GPRIN3: variants seen among roughly 807,000 people sequenced by gnomAD.
GPRIN3 encodes the protein GPRIN family member 3.
A neutral mutation model predicts 13.7 loss-of-function variants in GPRIN3; 12 were observed. The observed-to-expected ratio is 0.87, with a 90% CI of 0.56 to 1.42. The LOEUF (loss-of-function observed/expected upper bound fraction) is 1.42. Among genes scored for constraint, GPRIN3 ranks in the 40% most tolerant of loss-of-function variants. GPRIN3 has a pLI of 0.00. For synonymous variants in GPRIN3, 377 were observed against 372.7 expected, an observed-to-expected ratio of 1.01 and a Z score of -0.13; for missense variants, 1,009 against 958.7, an observed-to-expected ratio of 1.05 and a Z score of -0.69.
chr4:89,297,030 G>C (rs1006599501), intron 1 of GPRIN3, among the ~76,000 whole-genome samples: 3 of 152,200 alleles, frequency 2.0e-5, no homozygotes, highest in Admixed American at 6.5e-5. Flanking sequence ...CTGCAGTGTA[G>C]CATAGTGGTG....
intron 1 of GPRIN3, among the ~76,000 whole-genome samples, chr4:89,251,550 T>C (rs1484890335): frequency 6.6e-6 from 1 of 152,196 alleles, no homozygotes; most frequent in Admixed American, 6.5e-5. Context: ...CTGGTCTTTA[T>C]AAATAGGCAG....
intron 1 of GPRIN3, among the ~76,000 whole-genome samples, chr4:89,307,342 T>TA (rs1161912792): frequency 1.3e-5 from 2 of 151,910 alleles, no homozygotes; most frequent in Non-Finnish European, 2.9e-5. Flanking sequence ...CGATTGATTA[T>TA]AAATTTCCCT....
rs896596018 is a variant in GPRIN3 at position 89,246,664 on chromosome 4, T to G, written c.*1116A>C. On this transcript the variant is annotated 3_prime_UTR_variant, in exon 2 of 2. Transcript: ENST00000609438. The stretch of plus-strand genomic sequence containing the variant: ...TAAGCAATTAGATGATAGTAGTCTA[T>G]GTACAAAAATTGTAAGGAAGCTCAC... 1.3e-5 allele frequency: 2 copies of G among 152,250 alleles called. No individual in the cohort carries two copies. Among genetic ancestry groups the G allele is most frequent in the African/African-American group, 4.8e-5 (2 of 41,464 alleles). The allele number at this position is 152,250 out of a possible 1,614,324, so 9.4% of individuals were successfully genotyped here. A position where few individuals can be genotyped will look rare whatever the true frequency, so the allele number is the denominator to read the frequency against.
rs759467599 is a variant in GPRIN3 at position 89,249,963 on chromosome 4, C to A, written c.148G>T (p.Ala50Ser). 3.1e-6 allele frequency: 5 copies of A among 1,614,104 alleles called. No homozygotes were observed. Among genetic ancestry groups the A allele is most frequent in the African/African-American group, 1.3e-5 (1 of 74,948 alleles). The change falls in exon 2 of 2, where the codon GCC (alanine) becomes TCC (serine). Residue 50 changes from alanine to serine, a missense_variant. Coordinates refer to ENST00000609438, the MANE Select transcript of GPRIN3 (RefSeq NM_198281.3). The part of the protein sequence containing the change: ...LCKNANGFSG[A>S]PAEPDLSPRA... The stretch of plus-strand genomic sequence containing the variant: ...GGGCTGAGGTCTGGTTCTGCAGGGG[C>A]ACCTGAAAAGCCATTGGCATTCTTA...
chr4:89,294,577 G>A (rs1234671807), intron 1 of GPRIN3, among the ~76,000 whole-genome samples: 1 of 152,050 alleles, frequency 6.6e-6, no homozygotes, highest in Non-Finnish European at 1.5e-5. Flanking sequence ...TCCCATACTG[G>A]CACACAGATA....
Position 89,247,615 on chromosome 4 carries a change from T to C in GPRIN3, c.*165A>G, listed in dbSNP as rs1385136185. On this transcript the variant is annotated 3_prime_UTR_variant, in exon 2 of 2. Coordinates refer to ENST00000609438, the MANE Select transcript of GPRIN3 (RefSeq NM_198281.3). ...CAAATTGAAATGACATTTTTGTTTATAGAGCTCCAGGTCAAAGGATCTAAC... is the reference window on the plus strand; with the variant it reads ...CAAATTGAAATGACATTTTTGTTTACAGAGCTCCAGGTCAAAGGATCTAAC... 1.4e-5 allele frequency: 8 copies of C among 565,302 alleles called. No individual in the cohort carries two copies. Among genetic ancestry groups the C allele is most frequent in the South Asian group, 4.0e-5 (1 of 24,756 alleles). The allele number at this position is 565,302 out of a possible 1,614,324, so 35.0% of individuals were successfully genotyped here. A position where few individuals can be genotyped will look rare whatever the true frequency, so the allele number is the denominator to read the frequency against.
chr4:89,256,329 T>C (rs374685494), intron 1 of GPRIN3, among the ~76,000 whole-genome samples: 1 of 152,158 alleles, frequency 6.6e-6, no homozygotes, highest in African/African-American at 2.4e-5. Flanking sequence ...TACAGTGACA[T>C]TCATAACTGG....
chr4:89,289,998 G>A (rs185950495), intron 1 of GPRIN3, among the ~76,000 whole-genome samples: 179 of 151,754 alleles, frequency 1.2e-3, no homozygotes, highest in African/African-American at 3.9e-3. Context: ...ACTATTCTCA[G>A]TGTTTTTGTT....
At chr4:89,305,544 C>T (rs750572917) in intron 1 of GPRIN3, among the ~76,000 whole-genome samples, 39 of 152,156 alleles carry the variant, frequency 2.6e-4, no homozygotes, top group Non-Finnish European at 4.7e-4. Context: ...AATGAAAGAG[C>T]TCAAATAAGA....
In GPRIN3 at chr4:89,248,750, T is replaced by G; in HGVS notation, c.1361A>C (p.Lys454Thr). 1 of 1,614,188 alleles carries G rather than the reference T, an allele frequency of 6.2e-7. No individual in the cohort carries two copies. The part of the protein sequence containing the change: ...TPVREESTAK[K>T]LAGTNSSSLK... The stretch of plus-strand genomic sequence containing the variant: ...GGAGCTAGAATTAGTACCTGCGAGC[T>G]TTTTAGCAGTTGACTCTTCCCTCAC... The change falls in exon 2 of 2, where the codon AAG (lysine) becomes ACG (threonine). Residue 454 changes from lysine (K) to threonine (T), a missense_variant. By Grantham distance (78) the Lys-to-Thr change is moderately conservative. Coordinates refer to ENST00000609438, the MANE Select transcript of GPRIN3 (RefSeq NM_198281.3).
chr4:89,239,249 T>C lies in GPRIN3; in HGVS notation c.*8531A>G, dbSNP rs1370288172. The C allele has an allele frequency of 6.6e-6, 1 of 152,164 alleles. No individual in the cohort carries two copies. The highest frequency in any genetic ancestry group is 1.5e-5 in the Non-Finnish European group (1 of 68,014). The allele number at this position is 152,164 out of a possible 1,614,324, so 9.4% of individuals were successfully genotyped here. A position where few individuals can be genotyped will look rare whatever the true frequency, so the allele number is the denominator to read the frequency against. ...TTGTAATATTATACCACACTTTTGA[T>C]CTTTCTTAGTTGAGTATTTACACAC... On this transcript the variant is annotated 3_prime_UTR_variant, in exon 2 of 2. Transcript: ENST00000609438.
chr4:89,249,207 T>A lies in GPRIN3; in HGVS notation c.904A>T (p.Thr302Ser). The A allele has an allele frequency of 6.2e-7, 1 of 1,614,162 alleles. No homozygotes were observed. Among genetic ancestry groups the A allele is most frequent in the Non-Finnish European group, 8.5e-7 (1 of 1,180,014 alleles). Reference sequence around the variant, plus strand: ...TTGATTTCACTTTCAGCTTGGTTGGTCATCGTACTGGCTTCTTTGAACCTT... The same window carrying A: ...TTGATTTCACTTTCAGCTTGGTTGGACATCGTACTGGCTTCTTTGAACCTT... ...MSRFKEASTM[T>S]NQAESEIKEV... Residue 302 changes from threonine to serine, a missense_variant, in exon 2 of 2, where the codon ACC becomes TCC. Thr to Ser is a moderately conservative substitution (Grantham distance 58, BLOSUM62 1). Transcript: ENST00000609438.
At position 89,247,465 on chromosome 4, in the gene GPRIN3, A is replaced by C. The variant is rs2149251642; in HGVS notation, c.*315T>G. ...AGTTATACAAAATAATACATGTATAATGATACAATAATGCTATTTCTATGA... is the reference window on the plus strand; with the variant it reads ...AGTTATACAAAATAATACATGTATACTGATACAATAATGCTATTTCTATGA... On this transcript the variant is annotated 3_prime_UTR_variant, in exon 2 of 2. Transcript: ENST00000609438. The C allele has an allele frequency of 7.9e-6, 2 of 253,844 alleles. No individual in the cohort carries two copies. The highest frequency in any genetic ancestry group is 1.7e-4 in the East Asian group (2 of 11,976). 15.7% of individuals were successfully genotyped at this position (253,844 alleles called of 1,614,324 possible).
intron 1 of GPRIN3, among the ~76,000 whole-genome samples, chr4:89,272,751 T>A (rs928068704): frequency 6.6e-6 from 1 of 152,200 alleles, no homozygotes; most frequent in East Asian, 1.9e-4. Context: ...CATATTCAAC[T>A]ACCTACCTAT....
intron 1 of GPRIN3, among the ~76,000 whole-genome samples, chr4:89,297,046 C>G (rs1186190059): frequency 6.6e-6 from 1 of 152,198 alleles, no homozygotes; most frequent in Non-Finnish European, 1.5e-5. Context: ...TGGTGAAGCT[C>G]ATGGCCTTTG....
intron 1 of GPRIN3, among the ~76,000 whole-genome samples, chr4:89,253,026 A>C (rs964151198): frequency 2.2e-4 from 33 of 151,750 alleles, no homozygotes; most frequent in Admixed American, 1.0e-3. Flanking sequence ...GAAAAAAAAA[A>C]AAAAAACAAC....
chr4:89,306,230 T>C (rs1197441859), intron 1 of GPRIN3, among the ~76,000 whole-genome samples: 1 of 152,166 alleles, frequency 6.6e-6, no homozygotes, highest in Non-Finnish European at 1.5e-5. Flanking sequence ...CATGTACCTT[T>C]ATTCCCACAA....
intron 1 of GPRIN3, among the ~76,000 whole-genome samples, chr4:89,304,481 T>C (rs1243947184): frequency 6.6e-6 from 1 of 152,188 alleles, no homozygotes; most frequent in East Asian, 1.9e-4. Context: ...GTATTTTATT[T>C]TTCAAAAATA....
intron 1 of GPRIN3, among the ~76,000 whole-genome samples, chr4:89,279,681 G>T (rs1184373556): frequency 6.6e-6 from 1 of 152,218 alleles, no homozygotes; most frequent in East Asian, 1.9e-4. Flanking sequence ...CTTCTCTGCA[G>T]CACTCCATAT....
Sources: gnomAD v4.1 joint callset for allele counts (sites outside exome capture counted in the v4.1 genomes callset) on GRCh38, gnomAD v4.1.1 for gene constraint, MANE v1.5 for transcripts, NCBI Gene and HGNC (gene_info 2026-07-23, HGNC 2026-07-21) for gene names.